Variants in KLF12 observed in about 807,000 individuals in gnomAD.
KLF12 encodes Krueppel-like factor 12.
A neutral mutation model predicts 37.8 loss-of-function variants in KLF12; 9 were observed. The observed-to-expected ratio is 0.24, with a 90% CI of 0.14 to 0.42. KLF12 has a LOEUF of 0.42. Among genes scored for constraint, KLF12 ranks in the 10% least tolerant of loss-of-function variants. The pLI, the probability that KLF12 is intolerant of heterozygous loss-of-function variation, is 1.00. For missense variants in KLF12, 411 were observed against 516.0 expected, an observed-to-expected ratio of 0.80 and a Z score of 1.97; for synonymous variants, 208 against 202.1, an observed-to-expected ratio of 1.03 and a Z score of -0.25.
intron 5 of KLF12, 41 bp from the exon 6 acceptor site, chr13:73,765,041 A>G: frequency 8.2e-7 from 1 of 1,218,144 alleles, no homozygotes. Flanking sequence ...GAAAAAGCAT[A>G]TTCCCAATTG....
chr13:74,183,174 T>C, the KLF12 span, among the ~76,000 whole-genome samples: 5 of 152,174 alleles, frequency 3.3e-5, no homozygotes, highest in Admixed American at 2.0e-4. Flanking sequence ...ACCTACTCTT[T>C]GCTTGGTGCT....
intron 3 of KLF12, among the ~76,000 whole-genome samples, chr13:73,914,665 G>C (rs1888732185): frequency 6.6e-6 from 1 of 152,124 alleles, no homozygotes; most frequent in African/African-American, 2.4e-5. Context: ...AAATGCAAGA[G>C]ACAGCACACG....
chr13:73,868,086 T>G (rs370803490), intron 3 of KLF12, among the ~76,000 whole-genome samples: 75 of 143,272 alleles, frequency 5.2e-4, no homozygotes, highest in African/African-American at 1.9e-3. Context: ...TCCCAGCACT[T>G]TGGGAGGCCT....
chr13:73,817,414 TGTAGG>T (rs1230348376), intron 4 of KLF12, among the ~76,000 whole-genome samples: 8 of 151,494 alleles, frequency 5.3e-5, no homozygotes, highest in African/African-American at 2.0e-4. Context: ...TAGGGTTAGT[TGTAGG>T]GCAGCAATAA....
chr13:73,798,132 G>GA (rs1327781967), intron 5 of KLF12, among the ~76,000 whole-genome samples: 10 of 152,114 alleles, frequency 6.6e-5, no homozygotes, highest in Admixed American at 6.6e-4. Flanking sequence ...TCTTACCAAA[G>GA]AAATTATTTT....
chr13:73,913,727 GAT>G (rs1378660290), intron 3 of KLF12, among the ~76,000 whole-genome samples: 1 of 152,040 alleles, frequency 6.6e-6, no homozygotes, highest in East Asian at 1.9e-4. Context: ...AAAATAAAAA[GAT>G]TTTTATTTTT....
intron 3 of KLF12, among the ~76,000 whole-genome samples, chr13:73,940,843 T>C (rs1890155686): frequency 6.6e-6 from 1 of 152,184 alleles, no homozygotes; most frequent in East Asian, 1.9e-4. Context: ...TGCAGGCCTG[T>C]TCCCAGTCTG....
intron 1 of KLF12, among the ~76,000 whole-genome samples, chr13:74,028,513 T>C (rs1021960474): frequency 2.0e-5 from 3 of 152,132 alleles, no homozygotes; most frequent in Admixed American, 1.3e-4. Flanking sequence ...TCATAACGTT[T>C]TTCTAAGTAC....
chr13:74,083,175 G>A (rs1023027831), intron 1 of KLF12, among the ~76,000 whole-genome samples: 3 of 152,120 alleles, frequency 2.0e-5, no homozygotes, highest in Admixed American at 6.5e-5. Flanking sequence ...GTCTTATAAG[G>A]AGTAATGGTA....
At chr13:74,235,948 A>AT in the KLF12 span, among the ~76,000 whole-genome samples, 6,369 of 148,640 alleles carry the variant, frequency 0.043, 141 homozygotes, top group Middle Eastern at 0.072. Flanking sequence ...TTTTATTTTT[A>AT]TTTTTTTTTA....
chr13:74,014,639 C>G (rs1207335458), intron 1 of KLF12, among the ~76,000 whole-genome samples: 1 of 152,060 alleles, frequency 6.6e-6, no homozygotes, highest in African/African-American at 2.4e-5. Context: ...TAGCATTGAC[C>G]GCAATTGTTA....
At chr13:73,824,531 C>G (rs890209673) in intron 4 of KLF12, among the ~76,000 whole-genome samples, 1 of 152,152 alleles carries the variant, frequency 6.6e-6, no homozygotes, top group African/African-American at 2.4e-5. Context: ...AATGCTGTCA[C>G]TATTCAAAAA....
chr13:73,899,498 G>A (rs144730763), intron 3 of KLF12, among the ~76,000 whole-genome samples: 2 of 152,280 alleles, frequency 1.3e-5, no homozygotes, highest in Middle Eastern at 3.4e-3. Flanking sequence ...TGGATATGAG[G>A]CTTTGTGATG....
intron 4 of KLF12, among the ~76,000 whole-genome samples, chr13:73,813,750 G>C (rs1883066591): frequency 6.6e-6 from 1 of 152,192 alleles, no homozygotes; most frequent in Non-Finnish European, 1.5e-5. Flanking sequence ...AAAGAACAGG[G>C]CTTGCGTGAC....
At chr13:74,103,644 G>A (rs1440721637) in intron 1 of KLF12, among the ~76,000 whole-genome samples, 1 of 152,116 alleles carries the variant, frequency 6.6e-6, no homozygotes, top group East Asian at 1.9e-4. Flanking sequence ...TGATCTTTTT[G>A]AGGGAAAAAC....
the KLF12 span, among the ~76,000 whole-genome samples, chr13:74,301,892 C>A: frequency 1.3e-5 from 2 of 152,146 alleles, no homozygotes; most frequent in African/African-American, 4.8e-5. Flanking sequence ...GACCGCCCAG[C>A]ACCCTCTCCC....
intron 5 of KLF12, among the ~76,000 whole-genome samples, chr13:73,788,734 C>T (rs1401881351): frequency 6.6e-6 from 1 of 151,888 alleles, no homozygotes; most frequent in Non-Finnish European, 1.5e-5. Context: ...CAATTTTATA[C>T]ATTAAATTTC....
At chr13:74,291,457 C>T in the KLF12 span, among the ~76,000 whole-genome samples, 2 of 152,210 alleles carry the variant, frequency 1.3e-5, no homozygotes, top group African/African-American at 4.8e-5. Context: ...AGGCCCCAAG[C>T]ATGGCTCTCT....
chr13:73,868,333 G>GC (rs201555323), intron 3 of KLF12, among the ~76,000 whole-genome samples: 1,825 of 133,422 alleles, frequency 0.014, 109 homozygotes, highest in Middle Eastern at 0.053. Flanking sequence ...GCGGTGGGGG[G>GC]GGGGGGTGAT....
Sources: allele counts gnomAD v4.1 joint callset (sites outside exome capture counted in the v4.1 genomes callset), GRCh38; gene constraint gnomAD v4.1.1; transcripts MANE v1.5; gene names NCBI Gene and HGNC (gene_info 2026-07-23, HGNC 2026-07-21).